CNTN5: variants seen among roughly 807,000 people sequenced by gnomAD.
CNTN5 encodes contactin 5.
Under a neutral mutation model 129.1 loss-of-function variants are expected in CNTN5, and 77 were observed. The ratio of observed to expected loss-of-function variants is 0.60; its 90% CI spans 0.50 to 0.72. The LOEUF is 0.72. Ranked by LOEUF, CNTN5 falls within the 30% of genes least tolerant of loss-of-function variation. The probability of loss-of-function intolerance (pLI) is 0.00; values close to 1 mark genes in which losing one functional copy is unlikely to be tolerated. For synonymous variants in CNTN5, 509 were observed against 465.6 expected (o/e 1.09, Z -1.20); for missense variants, 1,478 against 1,328.8 (o/e 1.11, Z -1.75).
chr11:100,273,677 G>A (rs962679689), intron 18 of CNTN5, among the ~76,000 whole-genome samples: 3 of 152,052 alleles, frequency 2.0e-5, no homozygotes, highest in Non-Finnish European at 4.4e-5. Context: ...ATCGCTCCAG[G>A]CCCAACCTCA....
intron 3 of CNTN5, among the ~76,000 whole-genome samples, chr11:99,629,715 T>G (rs1951269517): frequency 6.6e-6 from 1 of 151,894 alleles, no homozygotes. Context: ...GATGACACAA[T>G]TATACAGAGC....
chr11:99,186,164 T>C (rs1234494540), intron 1 of CNTN5, among the ~76,000 whole-genome samples: 1 of 151,950 alleles, frequency 6.6e-6, no homozygotes, highest in Non-Finnish European at 1.5e-5. Flanking sequence ...CTATGTGTCC[T>C]ATGAAGCAAA....
intron 1 of CNTN5, among the ~76,000 whole-genome samples, chr11:99,319,533 A>C (rs1865476063): frequency 1.3e-5 from 2 of 152,164 alleles, no homozygotes; most frequent in Non-Finnish European, 2.9e-5. Context: ...CTCCCACTGG[A>C]CCATAATGTT....
At chr11:99,717,317 A>C (rs1299668168) in intron 3 of CNTN5, among the ~76,000 whole-genome samples, 1 of 152,076 alleles carries the variant, frequency 6.6e-6, no homozygotes, top group African/African-American at 2.4e-5. Context: ...ATAGATTAAT[A>C]ATGATCACAG....
At chr11:99,179,748 C>G (rs1230713206) in intron 1 of CNTN5, among the ~76,000 whole-genome samples, 3 of 152,264 alleles carry the variant, frequency 2.0e-5, no homozygotes, top group African/African-American at 7.2e-5. Context: ...TTGCTACATT[C>G]TCTTTGAGAC....
chr11:99,225,607 G>T lies in CNTN5; in HGVS notation c.-209-99739G>T, dbSNP rs1366743828. Among the ~76,000 whole-genome samples, 3 of 152,138 alleles carry T rather than the reference G, an allele frequency of 2.0e-5. No homozygotes were observed. In the East Asian group the frequency reaches 5.8e-4, roughly 29 times the overall value. Reference sequence around the variant, plus strand: ...TGACCAGGACTTAAAATCTTTGGGGGCACTCCTTAAATTCTCACTACCAAA... The same window carrying T: ...TGACCAGGACTTAAAATCTTTGGGGTCACTCCTTAAATTCTCACTACCAAA... On this transcript the variant is annotated intron_variant, in intron 1 of 24. Coordinates refer to ENST00000524871, the MANE Select transcript of CNTN5 (RefSeq NM_014361.4).
At chr11:99,135,951 A>G (rs1052434344) in intron 1 of CNTN5, among the ~76,000 whole-genome samples, 1 of 152,186 alleles carries the variant, frequency 6.6e-6, no homozygotes, top group Non-Finnish European at 1.5e-5. Flanking sequence ...CAGAAGATAC[A>G]ATAAATATTT....
chr11:99,228,017 T>C (rs1860780653), intron 1 of CNTN5, among the ~76,000 whole-genome samples: 1 of 152,136 alleles, frequency 6.6e-6, no homozygotes, highest in African/African-American at 2.4e-5. Context: ...CATTTTACTA[T>C]GTATTGTACC....
intron 1 of CNTN5, among the ~76,000 whole-genome samples, chr11:99,180,310 C>A (rs1243779040): frequency 6.6e-6 from 1 of 152,116 alleles, no homozygotes; most frequent in Non-Finnish European, 1.5e-5. Flanking sequence ...GAGGATTCAC[C>A]ACCAGACTGG....
At chr11:100,117,775 A>G (rs1484441215) in intron 13 of CNTN5, among the ~76,000 whole-genome samples, 2 of 151,534 alleles carry the variant, frequency 1.3e-5, no homozygotes, top group Non-Finnish European at 3.0e-5. Flanking sequence ...TCAACACACT[A>G]TATTTTACTT....
Position 99,558,025 on chromosome 11 carries a change from A to G in CNTN5, c.55+1756A>G, listed in dbSNP as rs144317604. On this transcript the variant is annotated intron_variant, in intron 3 of 24. Coordinates refer to ENST00000524871, the MANE Select transcript of CNTN5 (RefSeq NM_014361.4). ...ACAGAAAAAACAGGTTTAATAAGAGACATGCAAGGAAAAAGGATACCTCTA... is the reference window on the plus strand; with the variant it reads ...ACAGAAAAAACAGGTTTAATAAGAGGCATGCAAGGAAAAAGGATACCTCTA... Among the ~76,000 whole-genome samples, 139 of 151,980 alleles carry G rather than the reference A, an allele frequency of 9.1e-4. 1 individual carries two copies. In the East Asian group the frequency reaches 0.017, roughly 19 times the overall value.
At chr11:99,458,831 A>G (rs1944586037) in intron 2 of CNTN5, among the ~76,000 whole-genome samples, 1 of 152,058 alleles carries the variant, frequency 6.6e-6, no homozygotes, top group African/African-American at 2.4e-5. Flanking sequence ...GTAATTCTCA[A>G]GACAGCAGTG....
chr11:99,868,232 C>CA (rs1331332971), intron 6 of CNTN5, among the ~76,000 whole-genome samples: 2 of 147,812 alleles, frequency 1.4e-5, no homozygotes, highest in African/African-American at 5.0e-5. Flanking sequence ...AAAAAAAAAA[C>CA]AAAAAATTGT....
chr11:99,829,151 A>G (rs977455416), intron 4 of CNTN5, among the ~76,000 whole-genome samples: 2 of 152,212 alleles, frequency 1.3e-5, no homozygotes, highest in Non-Finnish European at 2.9e-5. Flanking sequence ...ATATACTTAA[A>G]GAAGCATCAA....
chr11:99,338,372 C>T (rs1242284067), intron 2 of CNTN5, among the ~76,000 whole-genome samples: 1 of 152,064 alleles, frequency 6.6e-6, no homozygotes, highest in Non-Finnish European at 1.5e-5. Flanking sequence ...CAGTAATACT[C>T]AAATCACAAG....
chr11:99,872,318 A>G (rs1948524079), intron 6 of CNTN5, among the ~76,000 whole-genome samples: 1 of 152,038 alleles, frequency 6.6e-6, no homozygotes, highest in African/African-American at 2.4e-5. Flanking sequence ...GTTATTTTTT[A>G]CTTCCAGAAA....
chr11:99,601,016 T>G (rs1950295928), intron 3 of CNTN5, among the ~76,000 whole-genome samples: 1 of 152,212 alleles, frequency 6.6e-6, no homozygotes, highest in Admixed American at 6.5e-5. Flanking sequence ...TAAATATTTA[T>G]TTACTTTTTG....
intron 6 of CNTN5, among the ~76,000 whole-genome samples, chr11:99,879,593 G>C (rs1198902603): frequency 6.6e-6 from 1 of 151,336 alleles, no homozygotes; most frequent in Non-Finnish European, 1.5e-5. Context: ...TTTGAGTTTG[G>C]GTTTTTTTTC....
At chr11:99,355,383 C>A (rs1260378412) in intron 2 of CNTN5, among the ~76,000 whole-genome samples, 1 of 151,996 alleles carries the variant, frequency 6.6e-6, no homozygotes, top group Non-Finnish European at 1.5e-5. Context: ...AAAATGGACC[C>A]TGTGCTCTAA....
Sources: allele counts gnomAD v4.1 joint callset (sites outside exome capture counted in the v4.1 genomes callset), GRCh38; gene constraint gnomAD v4.1.1; transcripts MANE v1.5; gene names NCBI Gene and HGNC (gene_info 2026-07-23, HGNC 2026-07-21).